Variants in ADGRV1 observed in about 807,000 individuals in gnomAD.
ADGRV1 encodes adhesion G protein-coupled receptor V1.
A neutral mutation model predicts 596.2 loss-of-function variants in ADGRV1; 359 were observed. That is an observed-to-expected ratio of 0.60 (90% CI 0.55 to 0.66). ADGRV1 has a LOEUF of 0.66. Ranked by LOEUF, ADGRV1 falls within the 30% of genes least tolerant of loss-of-function variation. The pLI, the probability that ADGRV1 is intolerant of heterozygous loss-of-function variation, is 0.00. For missense variants in ADGRV1, 7,274 were observed against 7,575.6 expected (o/e 0.96, Z 1.48); for synonymous variants, 2,681 against 2,679.2 (o/e 1.00, Z -0.02).
intron 59 of ADGRV1, among the ~76,000 whole-genome samples, chr5:90,764,611 A>G (rs1390073340): frequency 1.3e-5 from 2 of 151,938 alleles, no homozygotes; most frequent in African/African-American, 4.8e-5. Context: ...GGGGACTTTG[A>G]TGGGCTGTGC....
intron 83 of ADGRV1, among the ~76,000 whole-genome samples, chr5:90,902,439 G>A (rs1334006795): frequency 6.6e-6 from 1 of 152,064 alleles, no homozygotes; most frequent in Non-Finnish European, 1.5e-5. Flanking sequence ...TAGCTATTCC[G>A]TTCTCAACCA....
chr5:90,796,636 C>A (rs547172406), intron 70 of ADGRV1, among the ~76,000 whole-genome samples: 25 of 152,238 alleles, frequency 1.6e-4, no homozygotes, highest in African/African-American at 5.8e-4. Flanking sequence ...CAAAAAGATA[C>A]CCCTTGAGAA....
chr5:91,002,611 T>G (rs1461894842), intron 85 of ADGRV1, among the ~76,000 whole-genome samples: 2 of 149,774 alleles, frequency 1.3e-5, no homozygotes, highest in Non-Finnish European at 3.0e-5. Flanking sequence ...TCTGGCCCCT[T>G]TAATAATTTT....
At chr5:90,778,204 G>A (rs1347783717) in intron 62 of ADGRV1, among the ~76,000 whole-genome samples, 161 bp downstream of exon 62, 4 of 149,202 alleles carry the variant, frequency 2.7e-5, no homozygotes, top group African/African-American at 4.9e-5. Context: ...TGGCGTGCAC[G>A]TGTGTGTGTG....
intron 88 of ADGRV1, 133 bp downstream of exon 88, chr5:91,150,354 C>CA (rs1795950579): frequency 4.8e-6 from 3 of 628,866 alleles, no homozygotes; most frequent in Non-Finnish European, 4.9e-6. Context: ...AGATGAATCA[C>CA]ACTAGGTGAC....
Position 90,725,638 on chromosome 5 carries a change from T to C in ADGRV1, c.10143T>C (p.Asp3381=). ...QDYLIIASQR[D]DSELTQVFRW... is the part of the protein sequence containing the mutation. ...ATTTAATCATTGCAAGTCAAAGAGA[T>C]GATTCCGAATTAACTCAGGTTTGAT... Residue 3381 remains aspartate, a synonymous_variant, in exon 48 of 90, where the codon GAT becomes GAC. Coordinates refer to ENST00000405460, the MANE Select transcript of ADGRV1 (RefSeq NM_032119.4). The C allele has an allele frequency of 6.5e-7, 1 of 1,548,174 alleles. No homozygotes were observed. Among genetic ancestry groups the C allele is most frequent in the Non-Finnish European group, 8.9e-7 (1 of 1,124,886 alleles).
At position 91,030,826 on chromosome 5, in the gene ADGRV1, C is replaced by A. The variant is rs528151513; in HGVS notation, c.18153-41621C>A. Among the ~76,000 whole-genome samples the A allele has an allele frequency of 3.6e-4, 55 of 152,116 alleles. 1 individual carries two copies. Among genetic ancestry groups the A allele is most frequent in the Non-Finnish European group, 5.9e-5 (4 of 68,010 alleles). On this transcript the variant is annotated intron_variant, in intron 85 of 89. Coordinates refer to ENST00000405460, the MANE Select transcript of ADGRV1 (RefSeq NM_032119.4). Reference sequence around the variant, plus strand: ...CTGTCTCAGGCTTTACCTAAAAATTCATTATTATTCAGATAAAGATACCCC... The same window carrying A: ...CTGTCTCAGGCTTTACCTAAAAATTAATTATTATTCAGATAAAGATACCCC...
intron 83 of ADGRV1, among the ~76,000 whole-genome samples, chr5:90,945,139 G>A (rs1401635217): frequency 2.0e-5 from 3 of 152,012 alleles, no homozygotes; most frequent in Admixed American, 6.6e-5. Flanking sequence ...TTCAACATAT[G>A]TTTATAAATC....
intron 85 of ADGRV1, among the ~76,000 whole-genome samples, chr5:91,006,233 A>C (rs1562079090): frequency 6.6e-6 from 1 of 152,204 alleles, no homozygotes; most frequent in East Asian, 1.9e-4. Context: ...CTGAAGGGGA[A>C]TACAGGTACA....
intron 87 of ADGRV1, among the ~76,000 whole-genome samples, chr5:91,124,957 T>G (rs932534867): frequency 6.6e-6 from 1 of 152,206 alleles, no homozygotes; most frequent in Non-Finnish European, 1.5e-5. Flanking sequence ...CTGTTTGTAT[T>G]TATAAGACAG....
At chr5:90,646,167 T>G in intron 16 of ADGRV1, 76 bp downstream of exon 16, 4 of 886,322 alleles carry the variant, frequency 4.5e-6, no homozygotes, top group Non-Finnish European at 6.2e-6. Context: ...TGCACGTGCA[T>G]ATATACATTT....
intron 84 of ADGRV1, among the ~76,000 whole-genome samples, chr5:90,984,311 T>G (rs1326274843): frequency 6.6e-6 from 1 of 152,192 alleles, no homozygotes; most frequent in Non-Finnish European, 1.5e-5. Flanking sequence ...GTATTACTGT[T>G]TGAAATATGT....
At chr5:90,753,424 T>C (rs1755484087) in intron 53 of ADGRV1, 150 bp from the exon 54 acceptor site, 1 of 555,838 alleles carries the variant, frequency 1.8e-6, no homozygotes, top group Non-Finnish European at 3.1e-6. Context: ...ATGAAAGACA[T>C]CTGATTTGTA....
At chr5:90,563,394 A>C (rs1755123535) in intron 1 of ADGRV1, among the ~76,000 whole-genome samples, 1 of 152,248 alleles carries the variant, frequency 6.6e-6, no homozygotes, top group African/African-American at 2.4e-5. Flanking sequence ...GTCTTAAATA[A>C]CTAATCAACA....
chr5:90,720,338 A>T (rs1190680283), intron 44 of ADGRV1, 115 bp downstream of exon 44: 1 of 703,180 alleles, frequency 1.4e-6, no homozygotes, highest in East Asian at 2.8e-5. Flanking sequence ...AGGGATTTTT[A>T]AAATGAACTC....
rs769992487 is a variant in ADGRV1, at chr5:90,791,031, T to G, written c.14202T>G (p.Leu4734=). Residue 4734 remains leucine, a synonymous_variant, in exon 70 of 90, where the codon CTT becomes CTG. Transcript: ENST00000405460. ...PEIEEDYVIQ[L]VSVEGGAELD... is the part of the protein sequence containing the mutation. ...TAGAGGAAGATTATGTGATCCAGCT[T>G]GTTTCTGTAGAGGGAGGAGCCGAAC... 1 of 1,613,778 alleles carries G rather than the reference T, an allele frequency of 6.2e-7. No individual in the cohort carries two copies. The highest frequency in any genetic ancestry group is 1.3e-5 in the African/African-American group (1 of 74,918).
At chr5:90,779,731 C>G (rs1156957065) in intron 64 of ADGRV1, 1 of 152,134 alleles carries the variant, frequency 6.6e-6, no homozygotes, top group Admixed American at 6.6e-5. Context: ...CTCACAGGTT[C>G]TGCAGCTCAC....
At chr5:90,788,945 C>T (rs928452880) in intron 68 of ADGRV1, among the ~76,000 whole-genome samples, 1 of 151,980 alleles carries the variant, frequency 6.6e-6, no homozygotes, top group African/African-American at 2.4e-5. Context: ...GGAACAGACT[C>T]ACATGATTGT....
chr5:90,883,476 C>T (rs1024631352), intron 83 of ADGRV1, among the ~76,000 whole-genome samples: 4 of 152,118 alleles, frequency 2.6e-5, no homozygotes, highest in Admixed American at 6.6e-5. Flanking sequence ...TGAACATTTT[C>T]ATTTTAAATA....
Sources: allele counts gnomAD v4.1 joint callset (sites outside exome capture counted in the v4.1 genomes callset), GRCh38; gene constraint gnomAD v4.1.1; transcripts MANE v1.5; gene names NCBI Gene and HGNC (gene_info 2026-07-23, HGNC 2026-07-21).